MTUS1: variants seen among roughly 807,000 people sequenced by gnomAD.
MTUS1 encodes the protein microtubule associated scaffold protein 1.
MTUS1 carries 109 observed loss-of-function variants against 120.8 expected under a neutral mutation model. That is an observed-to-expected ratio of 0.90 (90% CI 0.77 to 1.06). The LOEUF (loss-of-function observed/expected upper bound fraction) is 1.06, where lower values mean the gene tolerates loss of function less well. MTUS1 is among the 50% of genes least tolerant of loss of function. The probability of loss-of-function intolerance (pLI) is 0.00; values close to 1 mark genes in which losing one functional copy is unlikely to be tolerated. For missense variants in MTUS1, 2,210 were observed against 1,486.3 expected, an observed-to-expected ratio of 1.49 and a Z score of -8.01; for synonymous variants, 737 against 550.5, an observed-to-expected ratio of 1.34 and a Z score of -4.74.
At chr8:17,744,346 G>C (rs2047567930) in intron 2 of MTUS1, among the ~76,000 whole-genome samples, 1 of 152,276 alleles carries the variant, frequency 6.6e-6, no homozygotes, top group African/African-American at 2.4e-5. Flanking sequence ...TACATAATAA[G>C]AACCTTGGTC....
rs539614333 is a variant in MTUS1, at chr8:17,765,298, C to T, written c.-154-9337G>A. On this transcript the variant is annotated intron_variant, in intron 1 of 14. Transcript: ENST00000693296. ...CAGCCCTGTTCCTAACAGGCCACAGCCCAGGAATTGGGGAACCTTGCCGTG... is the reference window on the plus strand; with the variant it reads ...CAGCCCTGTTCCTAACAGGCCACAGTCCAGGAATTGGGGAACCTTGCCGTG... Among the ~76,000 whole-genome samples, 4 of 152,232 alleles carry T rather than the reference C, an allele frequency of 2.6e-5. No homozygotes were observed. The South Asian group carries it at 6.2e-4, about 24-fold the overall frequency.
chr8:17,752,446 A>C (rs2048271277), intron 2 of MTUS1, among the ~76,000 whole-genome samples: 3 of 152,240 alleles, frequency 2.0e-5, no homozygotes, highest in Admixed American at 2.0e-4. Context: ...CTTAAAAACT[A>C]AATCTGAGTT....
chr8:17,651,874 ACCCTGCATAT>A (rs909721173), intron 12 of MTUS1: 85 of 152,276 alleles, frequency 5.6e-4, no homozygotes, highest in African/African-American at 1.9e-3. Context: ...TAAAGTTTAT[ACCCTGCATAT>A]CCCTGCATGT....
chr8:17,722,092 T>G, intron 4 of MTUS1: 1 of 1,325,692 alleles, frequency 7.5e-7, no homozygotes, highest in Non-Finnish European at 9.6e-7. Context: ...ATTTGAATGC[T>G]TAATCCGCAA....
chr8:17,662,229 C>A (rs1443639766), intron 8 of MTUS1, among the ~76,000 whole-genome samples: 1 of 152,044 alleles, frequency 6.6e-6, no homozygotes, highest in Non-Finnish European at 1.5e-5. Flanking sequence ...AATCAGACAC[C>A]CCACAAAGCC....
At chr8:17,749,947 C>CTT (rs56184964) in intron 2 of MTUS1, among the ~76,000 whole-genome samples, 14,855 of 151,974 alleles carry the variant, frequency 0.098, 814 homozygotes, top group South Asian at 0.16. Context: ...GAGTTTGACC[C>CTT]TTTTTTTGAC....
rs774632691 is a variant in MTUS1, at chr8:17,755,362, G to C, written c.446C>G (p.Ala149Gly). Residue 149 changes from alanine to glycine, a missense_variant, in exon 2 of 15, where the codon GCA becomes GGA. By Grantham distance (60) the Ala-to-Gly change is moderately conservative. Coordinates refer to ENST00000693296, the MANE Select transcript of MTUS1 (RefSeq NM_001363059.2). ...VWKPNDNLNC[A>G]GYCDALELNQ... ...TAGCTCCAAGGCATCACAGTAGCCT[G>C]CACAGTTCAAATTGTCATTAGGCTT... The C allele has an allele frequency of 1.2e-6, 2 of 1,614,164 alleles. No individual in the cohort carries two copies. Among genetic ancestry groups the C allele is most frequent in the Non-Finnish European group, 8.5e-7 (1 of 1,179,998 alleles).
chr8:17,707,866 A>C (rs1268017798), intron 6 of MTUS1, among the ~76,000 whole-genome samples: 1 of 152,254 alleles, frequency 6.6e-6, no homozygotes, highest in Non-Finnish European at 1.5e-5. Flanking sequence ...AAGGCATTTA[A>C]ATGGGGGAAA....
intron 7 of MTUS1, among the ~76,000 whole-genome samples, chr8:17,682,551 G>T (rs56671696): frequency 0.47 from 68,678 of 145,576 alleles, 16,706 homozygotes; most frequent in East Asian, 0.58. Flanking sequence ...TTGCTATCAT[G>T]ATCTAGTGGA....
At chr8:17,784,283 T>A (rs986658687) in intron 1 of MTUS1, among the ~76,000 whole-genome samples, 1 of 147,152 alleles carries the variant, frequency 6.8e-6, no homozygotes, top group African/African-American at 2.5e-5. Flanking sequence ...CCCTGCTAAT[T>A]TTCTTACAAC....
intron 4 of MTUS1, among the ~76,000 whole-genome samples, chr8:17,717,192 A>C (rs748478087): frequency 5.9e-5 from 9 of 152,136 alleles, no homozygotes; most frequent in Non-Finnish European, 1.0e-4. Flanking sequence ...TAACATTCCT[A>C]ATATTAGGTC....
At chr8:17,655,837 C>T in intron 9 of MTUS1, 26 bp downstream of exon 9, 1 of 1,610,046 alleles carries the variant, frequency 6.2e-7, no homozygotes, top group Non-Finnish European at 8.5e-7. Context: ...AGGCCTCAGA[C>T]AAGCTCTGGC....
At chr8:17,703,849 C>G (rs1819614111) in intron 6 of MTUS1, 1 of 152,188 alleles carries the variant, frequency 6.6e-6, no homozygotes, top group Non-Finnish European at 1.5e-5. Flanking sequence ...TGCTCTGGTC[C>G]TGTTTCCTCA....
At chr8:17,769,062 G>A (rs935578215) in intron 1 of MTUS1, among the ~76,000 whole-genome samples, 6 of 151,948 alleles carry the variant, frequency 3.9e-5, no homozygotes, top group Non-Finnish European at 4.4e-5. Context: ...CTCTGCTTGG[G>A]GGTGGAGGAG....
intron 9 of MTUS1, 56 bp downstream of exon 9, chr8:17,655,807 A>G: frequency 6.7e-7 from 1 of 1,482,622 alleles, no homozygotes; most frequent in Non-Finnish European, 9.4e-7. Context: ...AAGAGCAACC[A>G]GGATTCAAGT....
chr8:17,740,195 G>A (rs1403726651), intron 3 of MTUS1, among the ~76,000 whole-genome samples: 8 of 151,134 alleles, frequency 5.3e-5, no homozygotes, highest in East Asian at 2.0e-4. Context: ...TCAACAGAGC[G>A]AGACTCCGTC....
At chr8:17,682,517 C>CAAAAAAAAAAAAAAAA (rs55901871) in intron 7 of MTUS1, among the ~76,000 whole-genome samples, 1 of 114,994 alleles carries the variant, frequency 8.7e-6, no homozygotes. Context: ...GACTCCATCC[C>CAAAAAAAAAAAAAAAA]AAAAAAAAAA....
intron 8 of MTUS1, among the ~76,000 whole-genome samples, chr8:17,660,393 T>C (rs1033378201): frequency 2.6e-5 from 4 of 152,100 alleles, no homozygotes; most frequent in Non-Finnish European, 5.9e-5. Flanking sequence ...AATGATAATA[T>C]TCCATTGCAC....
At chr8:17,651,833 G>A (rs552220150) in intron 12 of MTUS1, 13 of 152,270 alleles carry the variant, frequency 8.5e-5, no homozygotes, top group African/African-American at 3.1e-4. Flanking sequence ...TGTACCGGAA[G>A]CTCTTTCAAA....
Sources: allele counts gnomAD v4.1 joint callset (sites outside exome capture counted in the v4.1 genomes callset), GRCh38; gene constraint gnomAD v4.1.1; transcripts MANE v1.5; gene names NCBI Gene and HGNC (gene_info 2026-07-23, HGNC 2026-07-21).